CDH13: variants seen among roughly 807,000 people sequenced by gnomAD.
CDH13 encodes cadherin 13, also known as cadherin-13.
A neutral mutation model predicts 63.8 loss-of-function variants in CDH13; 24 were observed. That is an observed-to-expected ratio of 0.38 (90% CI 0.27 to 0.53). The LOEUF is 0.53. CDH13 is among the 20% of genes least tolerant of loss of function. CDH13 has a pLI of 0.85. For missense variants in CDH13, 1,049 were observed against 903.1 expected, an observed-to-expected ratio of 1.16 and a Z score of -2.07; for synonymous variants, 503 against 355.3, an observed-to-expected ratio of 1.42 and a Z score of -4.67.
intron 3 of CDH13, among the ~76,000 whole-genome samples, chr16:83,107,388 G>C (rs1235688975): frequency 2.0e-5 from 3 of 152,164 alleles, no homozygotes; most frequent in Non-Finnish European, 4.4e-5. Flanking sequence ...TACATAATAG[G>C]TGCTCAATAA....
At chr16:82,678,855 C>T (rs1042504769) in intron 1 of CDH13, among the ~76,000 whole-genome samples, 1 of 152,168 alleles carries the variant, frequency 6.6e-6, no homozygotes, top group Non-Finnish European at 1.5e-5. Flanking sequence ...AAGAAAACAA[C>T]TCTTTCATCA....
At chr16:83,546,473 T>C (rs1176462597) in intron 7 of CDH13, among the ~76,000 whole-genome samples, 1 of 151,488 alleles carries the variant, frequency 6.6e-6, no homozygotes, top group Non-Finnish European at 1.5e-5. Flanking sequence ...TATTGCTTCT[T>C]TTTTTTTTCT....
intron 1 of CDH13, among the ~76,000 whole-genome samples, chr16:82,851,668 T>C (rs992379091): frequency 8.0e-5 from 7 of 87,844 alleles, no homozygotes; most frequent in Admixed American, 1.3e-4. Context: ...TACATGCACA[T>C]GTGTGTACGT....
intron 5 of CDH13, among the ~76,000 whole-genome samples, chr16:83,284,767 A>C (rs2089266969): frequency 6.6e-6 from 1 of 152,108 alleles, no homozygotes; most frequent in African/African-American, 2.4e-5. Context: ...GATATAAAAT[A>C]GTGTTAATAT....
chr16:82,662,327 G>A (rs565780723), intron 1 of CDH13, among the ~76,000 whole-genome samples: 1 of 150,236 alleles, frequency 6.7e-6, no homozygotes, highest in African/African-American at 2.4e-5. Flanking sequence ...CCTTGAGGAG[G>A]CGGGGGTAGA....
intron 6 of CDH13, among the ~76,000 whole-genome samples, chr16:83,412,626 C>A (rs146351716): frequency 6.6e-6 from 1 of 152,062 alleles, no homozygotes; most frequent in Admixed American, 6.5e-5. Context: ...AAGATCTCAG[C>A]GGGGAGAAGG....
intron 2 of CDH13, among the ~76,000 whole-genome samples, chr16:82,887,773 G>A (rs781083587): frequency 1.1e-4 from 16 of 152,146 alleles, no homozygotes; most frequent in Non-Finnish European, 8.8e-5. Context: ...AGTGATCTGA[G>A]CTCGCACCAC....
In CDH13 at chr16:82,828,195, C is replaced by G. The variant is rs188429968; in HGVS notation, c.46-30167C>G. On this transcript the variant is annotated intron_variant, in intron 1 of 13. Transcript: ENST00000567109. ...TGGAGCTGTGTTGAGGAAGAGAGGGCAAGGGTTAGAGAAAAGCTTGGGCCG... is the reference window on the plus strand; with the variant it reads ...TGGAGCTGTGTTGAGGAAGAGAGGGGAAGGGTTAGAGAAAAGCTTGGGCCG... Among the ~76,000 whole-genome samples, 52 of 152,244 alleles carry G rather than the reference C, an allele frequency of 3.4e-4. No homozygotes were observed. In the East Asian group the frequency reaches 8.9e-3, roughly 26 times the overall value.
At chr16:83,499,172 C>G (rs1183821947) in intron 7 of CDH13, among the ~76,000 whole-genome samples, 1 of 152,188 alleles carries the variant, frequency 6.6e-6, no homozygotes, top group African/African-American at 2.4e-5. Context: ...TATTCCTACA[C>G]TGGTATTCTA....
chr16:82,883,971 T>C (rs1364013490), intron 2 of CDH13, among the ~76,000 whole-genome samples: 1 of 152,152 alleles, frequency 6.6e-6, no homozygotes, highest in Non-Finnish European at 1.5e-5. Flanking sequence ...CTCAGTTTCC[T>C]CCTCTGTAAA....
At chr16:83,522,374 C>G (rs1377891497) in intron 7 of CDH13, among the ~76,000 whole-genome samples, 2 of 152,168 alleles carry the variant, frequency 1.3e-5, no homozygotes, top group Non-Finnish European at 2.9e-5. Flanking sequence ...TCAAAATTAA[C>G]ATGAGTATAT....
At chr16:82,784,360 C>G (rs1391595757) in intron 1 of CDH13, among the ~76,000 whole-genome samples, 1 of 152,152 alleles carries the variant, frequency 6.6e-6, no homozygotes, top group Non-Finnish European at 1.5e-5. Context: ...GACATTGTCC[C>G]CATCACTTGG....
intron 1 of CDH13, among the ~76,000 whole-genome samples, chr16:82,637,210 A>C (rs964585630): frequency 1.4e-4 from 21 of 152,230 alleles, no homozygotes; most frequent in African/African-American, 5.1e-4. Context: ...TGTGAGAAAC[A>C]GAGGGTGTAC....
Position 83,528,412 on chromosome 16 carries a change from TG to T in CDH13, c.960+41760del, listed in dbSNP as rs1422372053. On this transcript the variant is annotated intron_variant, in intron 7 of 13. Transcript: ENST00000567109. ...GGGAAATCTCTTCCTCTGTTGCAGT[TG>T]GGCGGTCTGGATGGGCTGGTTACCC... Among the ~76,000 whole-genome samples the T allele has an allele frequency of 2.0e-5, 3 of 152,190 alleles. No individual in the cohort carries two copies. In the East Asian group the frequency reaches 5.8e-4, roughly 29 times the overall value.
intron 5 of CDH13, among the ~76,000 whole-genome samples, chr16:83,255,357 G>C (rs1412999144): frequency 6.6e-6 from 1 of 152,172 alleles, no homozygotes; most frequent in Non-Finnish European, 1.5e-5. Context: ...GAGTGTATTT[G>C]TGCTTGCATT....
intron 1 of CDH13, among the ~76,000 whole-genome samples, chr16:82,698,928 C>G (rs1232798026): frequency 2.0e-5 from 3 of 151,858 alleles, no homozygotes; most frequent in African/African-American, 7.3e-5. Context: ...TATCCTTTTT[C>G]TTTTAATAAT....
intron 2 of CDH13, among the ~76,000 whole-genome samples, chr16:82,961,865 G>C (rs1907066336): frequency 6.6e-6 from 1 of 152,178 alleles, no homozygotes; most frequent in African/African-American, 2.4e-5. Flanking sequence ...GTGGGTAGAG[G>C]TCAGTGATGC....
intron 8 of CDH13, among the ~76,000 whole-genome samples, chr16:83,610,658 A>C (rs2150762683): frequency 1.3e-5 from 2 of 152,326 alleles, no homozygotes; most frequent in Non-Finnish European, 1.5e-5. Context: ...ACATAGCCGT[A>C]ATCTATTCAT....
chr16:83,627,268 C>CT, intron 8 of CDH13, among the ~76,000 whole-genome samples: 1 of 152,130 alleles, frequency 6.6e-6, no homozygotes, highest in Middle Eastern at 3.4e-3. Flanking sequence ...CCAGCCTGGG[C>CT]AACAGAGTGA....
Sources: allele counts gnomAD v4.1 joint callset (sites outside exome capture counted in the v4.1 genomes callset), GRCh38; gene constraint gnomAD v4.1.1; transcripts MANE v1.5; gene names NCBI Gene and HGNC (gene_info 2026-07-23, HGNC 2026-07-21).